The following SMOC2 variants were observed in gnomAD, a reference collection of about 807,000 sequenced individuals.
SMOC2 encodes the protein SPARC-related modular calcium-binding protein 2.
SMOC2 carries 39 observed loss-of-function variants against 61.4 expected under a neutral mutation model. The observed-to-expected ratio is 0.64, with a 90% CI of 0.49 to 0.83. SMOC2 has a LOEUF of 0.83. Ranked by LOEUF, SMOC2 falls within the 40% of genes least tolerant of loss-of-function variation. SMOC2 has a pLI of 0.00. For synonymous variants in SMOC2, 247 were observed against 239.9 expected, an observed-to-expected ratio of 1.03 and a Z score of -0.27; for missense variants, 556 against 592.9, an observed-to-expected ratio of 0.94 and a Z score of 0.65.
intron 1 of SMOC2, among the ~76,000 whole-genome samples, chr6:168,447,175 C>G (rs1271186008): frequency 6.6e-6 from 1 of 152,060 alleles, no homozygotes; most frequent in African/African-American, 2.4e-5. Context: ...CAAGCGATTC[C>G]CCTGCCTCAG....
intron 11 of SMOC2, among the ~76,000 whole-genome samples, chr6:168,655,751 A>G (rs879375975): frequency 2.6e-5 from 4 of 151,838 alleles, no homozygotes; most frequent in Non-Finnish European, 4.4e-5. Flanking sequence ...ATTCCCCTGC[A>G]TGTGTGTGCT....
In SMOC2 at chr6:168,664,066, C is replaced by A; in HGVS notation, c.1286-8C>A. Reference sequence around the variant, plus strand: ...ATTTTTAATAATATCTTTTTTTTTTCCTGCTAGCCCCCAGAGGTCATGCTG... The same window carrying A: ...ATTTTTAATAATATCTTTTTTTTTTACTGCTAGCCCCCAGAGGTCATGCTG... On this transcript the variant is annotated splice_region_variant and splice_polypyrimidine_tract_variant and intron_variant, in intron 11 of 12. Coordinates refer to ENST00000356284, the MANE Select transcript of SMOC2 (RefSeq NM_001166412.2). The A allele has an allele frequency of 6.3e-7, 1 of 1,581,558 alleles. No individual in the cohort carries two copies. Among genetic ancestry groups the A allele is most frequent in the Non-Finnish European group, 8.6e-7 (1 of 1,166,884 alleles).
chr6:168,523,976 A>T (rs1783396819), intron 2 of SMOC2, among the ~76,000 whole-genome samples: 1 of 152,192 alleles, frequency 6.6e-6, no homozygotes, highest in African/African-American at 2.4e-5. Flanking sequence ...GAAATAGTAT[A>T]ATTTTGAGGG....
At chr6:168,625,206 C>G (rs1420017783) in intron 9 of SMOC2, among the ~76,000 whole-genome samples, 1 of 152,236 alleles carries the variant, frequency 6.6e-6, no homozygotes, top group African/African-American at 2.4e-5. Flanking sequence ...TCGTCCTCAC[C>G]GTGAAGACCC....
intron 7 of SMOC2, among the ~76,000 whole-genome samples, chr6:168,554,682 A>C (rs536041750): frequency 6.6e-6 from 1 of 152,228 alleles, no homozygotes; most frequent in Non-Finnish European, 1.5e-5. Context: ...TGTGGCTGGC[A>C]GTTAAAGGCA....
intron 7 of SMOC2, among the ~76,000 whole-genome samples, chr6:168,555,232 G>C (rs778389200): frequency 1.3e-5 from 2 of 152,248 alleles, no homozygotes; most frequent in South Asian, 2.1e-4. Context: ...GTGCTTAAAG[G>C]CTATTTCATG....
intron 1 of SMOC2, among the ~76,000 whole-genome samples, chr6:168,442,731 G>A (rs1044878604): frequency 2.0e-5 from 3 of 151,812 alleles, no homozygotes; most frequent in African/African-American, 4.8e-5. Context: ...CTTTTTCTTC[G>A]TCTTCTTTCT....
intron 4 of SMOC2, among the ~76,000 whole-genome samples, chr6:168,539,841 C>T (rs1037953585): frequency 1.3e-5 from 2 of 152,180 alleles, no homozygotes; most frequent in Non-Finnish European, 2.9e-5. Flanking sequence ...CCTTTCTGCT[C>T]AAAGTCAGCT....
At chr6:168,650,156 G>GT (rs1787154975) in intron 9 of SMOC2, among the ~76,000 whole-genome samples, 1 of 152,176 alleles carries the variant, frequency 6.6e-6, no homozygotes, top group African/African-American at 2.4e-5. Flanking sequence ...TGGACTGTTC[G>GT]TGCCAATGCC....
intron 1 of SMOC2, among the ~76,000 whole-genome samples, chr6:168,471,992 G>C (rs992352350): frequency 2.6e-5 from 4 of 152,156 alleles, no homozygotes; most frequent in Admixed American, 2.0e-4. Context: ...CTCCCACTCC[G>C]TGTGTGCGTT....
chr6:168,549,102 T>G (rs534237649), intron 6 of SMOC2, 27 bp from the exon 7 acceptor site: 1 of 1,592,736 alleles, frequency 6.3e-7, no homozygotes, highest in South Asian at 1.1e-5. Context: ...GAATTAAAGA[T>G]GCTTGTCATT....
At chr6:168,584,226 A>G (rs1784994498) in intron 7 of SMOC2, among the ~76,000 whole-genome samples, 1 of 152,232 alleles carries the variant, frequency 6.6e-6, no homozygotes, top group South Asian at 2.1e-4. Context: ...CTGGACGTGA[A>G]GACCACCTGT....
At chr6:168,630,486 G>C (rs1040231938) in intron 9 of SMOC2, among the ~76,000 whole-genome samples, 4 of 152,192 alleles carry the variant, frequency 2.6e-5, no homozygotes, top group African/African-American at 9.6e-5. Flanking sequence ...CAGCCGAGGA[G>C]GATGTATGTC....
chr6:168,546,251 GAAAAAA>G lies in SMOC2; in HGVS notation c.512-847_512-842del, dbSNP rs143673157. ...CAAAATGATATAAGCAAGCTTCAGT[GAAAAAA>G]AAAAAAAAAAAAAAAAAAAAGGATG... On this transcript the variant is annotated intron_variant, in intron 5 of 12. Transcript: ENST00000356284. Among the ~76,000 whole-genome samples, 116 of 66,460 alleles carry G rather than the reference GAAAAAA, an allele frequency of 1.7e-3. 1 individual carries two copies. The highest frequency in any genetic ancestry group is 5.7e-3 in the African/African-American group (111 of 19,588). The allele number at this position is 66,460 out of a possible 152,430, so 43.6% of individuals were successfully genotyped here.
At chr6:168,498,908 C>T (rs1277247603) in intron 1 of SMOC2, among the ~76,000 whole-genome samples, 1 of 145,352 alleles carries the variant, frequency 6.9e-6, no homozygotes, top group Non-Finnish European at 1.5e-5. Context: ...GGGCCCATAG[C>T]CTGTTTACTA....
rs942610678 is a variant in SMOC2, at chr6:168,667,016, C to G, written c.*578C>G. 2 of 152,352 alleles carry G rather than the reference C, an allele frequency of 1.3e-5. No individual in the cohort carries two copies. Among genetic ancestry groups the G allele is most frequent in the Non-Finnish European group, 2.9e-5 (2 of 68,158 alleles). 9.4% of individuals were successfully genotyped at this position (152,352 alleles called of 1,614,324 possible). ...CTATCCAGTTAAGTGCAGGTAGTTC[C>G]CCTGGAGGAAATAATATTTTCAAAC... On this transcript the variant is annotated 3_prime_UTR_variant, in exon 13 of 13. Coordinates refer to ENST00000356284, the MANE Select transcript of SMOC2 (RefSeq NM_001166412.2).
intron 1 of SMOC2, among the ~76,000 whole-genome samples, chr6:168,456,248 C>T (rs188751638): frequency 1.1e-4 from 17 of 152,338 alleles, no homozygotes; most frequent in African/African-American, 3.4e-4. Flanking sequence ...GCCTGGCTGT[C>T]GCCGTTTATG....
intron 9 of SMOC2, among the ~76,000 whole-genome samples, chr6:168,647,989 G>A (rs377743182): frequency 2.6e-4 from 39 of 151,966 alleles, no homozygotes; most frequent in Admixed American, 1.6e-3. Flanking sequence ...GTCATGTTTC[G>A]TGATGAACAT....
chr6:168,601,335 C>T (rs1785549714), intron 8 of SMOC2, among the ~76,000 whole-genome samples: 1 of 152,204 alleles, frequency 6.6e-6, no homozygotes, highest in Non-Finnish European at 1.5e-5. Flanking sequence ...CCCTGGCTGA[C>T]CGCCTGCTCT....
Sources: allele counts gnomAD v4.1 joint callset (sites outside exome capture counted in the v4.1 genomes callset), GRCh38; gene constraint gnomAD v4.1.1; transcripts MANE v1.5; gene names NCBI Gene and HGNC (gene_info 2026-07-23, HGNC 2026-07-21).